Variants in CNNM1 observed in about 807,000 individuals in gnomAD.
CNNM1 encodes metal transporter CNNM1.
CNNM1 carries 44 observed loss-of-function variants against 78.8 expected under a neutral mutation model. The ratio of observed to expected loss-of-function variants is 0.56; its 90% confidence interval spans 0.44 to 0.72. The LOEUF (loss-of-function observed/expected upper bound fraction) is 0.72, where lower values mean the gene tolerates loss of function less well. Ranked by LOEUF, CNNM1 falls within the 30% of genes least tolerant of loss-of-function variation. CNNM1 has a pLI of 0.00. For synonymous variants in CNNM1, 584 were observed against 581.5 expected, an observed-to-expected ratio of 1.00 and a Z score of -0.06; for missense variants, 1,101 against 1,292.2, an observed-to-expected ratio of 0.85 and a Z score of 2.27.
In CNNM1 at chr10:99,357,665, C is replaced by T. The variant is rs530866370; in HGVS notation, c.1717+10C>T. 41 of 1,594,464 alleles carry T rather than the reference C, an allele frequency of 2.6e-5. No homozygotes were observed. In the South Asian group the frequency reaches 3.0e-4, roughly 12 times the overall value. On this transcript the variant is annotated intron_variant, in intron 2 of 10. Transcript: ENST00000356713. Reference sequence around the variant, plus strand: ...GAAACTGATCTCTACAGTAAGTGCACGGCCTTGGCTGTTCTCCAGGGTCAT... The same window carrying T: ...GAAACTGATCTCTACAGTAAGTGCATGGCCTTGGCTGTTCTCCAGGGTCAT...
At chr10:99,375,199 A>T (rs777785703) in intron 6 of CNNM1, among the ~76,000 whole-genome samples, 11 of 152,238 alleles carry the variant, frequency 7.2e-5, no homozygotes, top group Non-Finnish European at 1.6e-4. Flanking sequence ...GGGCCAGGTC[A>T]CAGCAAGGAA....
At chr10:99,353,308 G>A (rs904379908) in intron 1 of CNNM1, among the ~76,000 whole-genome samples, 2 of 152,128 alleles carry the variant, frequency 1.3e-5, no homozygotes, top group South Asian at 2.1e-4. Flanking sequence ...TTACCCTCAC[G>A]GGTGGGGGTG....
rs1300610722 is a variant in CNNM1, at chr10:99,391,667, G to A, written c.*151G>A. On this transcript the variant is annotated 3_prime_UTR_variant, in exon 11 of 11. Coordinates refer to ENST00000356713, the MANE Select transcript of CNNM1 (RefSeq NM_020348.3). ...CTCTTCACCCCTAGCTGTCAGTTTG[G>A]CAGATTTTCCCTCGTTACCTCCAGT... The A allele has an allele frequency of 4.6e-6, 3 of 652,744 alleles. No homozygotes were observed. Among genetic ancestry groups the A allele is most frequent in the Non-Finnish European group, 5.3e-6 (2 of 379,380 alleles). The allele number at this position is 652,744 out of a possible 1,614,324, so 40.4% of individuals were successfully genotyped here.
chr10:99,331,035 T>C, intron 1 of CNNM1, 75 bp downstream of exon 1: 3 of 1,417,320 alleles, frequency 2.1e-6, no homozygotes, highest in Non-Finnish European at 1.9e-6. Flanking sequence ...CACGTGAGGC[T>C]CTAGGTACCC....
At chr10:99,384,455 C>T (rs1017702268) in intron 7 of CNNM1, among the ~76,000 whole-genome samples, 6 of 152,064 alleles carry the variant, frequency 3.9e-5, no homozygotes, top group Admixed American at 6.6e-5. Flanking sequence ...ATATAAACAC[C>T]CACCAACAGT....
chr10:99,330,846 G>A lies in CNNM1; in HGVS notation c.1459G>A (p.Val487Met). 1 of 1,614,142 alleles carries A rather than the reference G, an allele frequency of 6.2e-7. No homozygotes were observed. The highest frequency in any genetic ancestry group is 2.2e-5 in the East Asian group (1 of 44,872). The change falls in exon 1 of 11, where the codon GTG becomes ATG. Residue 487 changes from valine to methionine, a missense_variant. Physicochemically the swap from Val to Met is conservative, Grantham distance 21 (BLOSUM62 1). This residue lies in a region of CNNM1 where 277 missense variants were observed against 423.2 expected (regional missense o/e 0.65). Transcript: ENST00000356713. ...TTTATTTGTCAAGGACTTGGCCTTC[G>A]TGGACCCCGACGACTGCACCCCGCT... ...DILFVKDLAF[V>M]DPDDCTPLLT...
At chr10:99,362,140 C>T in intron 3 of CNNM1, 87 bp from the exon 4 acceptor site, 1 of 1,294,248 alleles carries the variant, frequency 7.7e-7, no homozygotes, top group South Asian at 1.5e-5. Flanking sequence ...CCAGTTGTGC[C>T]CACTCTGACT....
chr10:99,384,834 G>C (rs897561291), intron 7 of CNNM1, among the ~76,000 whole-genome samples: 2 of 152,148 alleles, frequency 1.3e-5, no homozygotes, highest in Admixed American at 1.3e-4. Context: ...GGGAGGCTGA[G>C]GAGGGTGATG....
chr10:99,381,917 AC>A (rs1166359603), intron 7 of CNNM1, among the ~76,000 whole-genome samples: 1 of 151,560 alleles, frequency 6.6e-6, no homozygotes, highest in East Asian at 1.9e-4. Context: ...TTTGAAAATT[AC>A]CTCCTCCTGA....
intron 6 of CNNM1, among the ~76,000 whole-genome samples, chr10:99,367,570 A>G (rs2031664629): frequency 6.6e-6 from 1 of 152,112 alleles, no homozygotes; most frequent in Non-Finnish European, 1.5e-5. Flanking sequence ...TACATTTAGA[A>G]CTATGATTCT....
At chr10:99,347,801 C>T (rs1354106565) in intron 1 of CNNM1, among the ~76,000 whole-genome samples, 1 of 152,078 alleles carries the variant, frequency 6.6e-6, no homozygotes, top group Non-Finnish European at 1.5e-5. Context: ...ACTCCCAATG[C>T]ATGACCTTTA....
intron 1 of CNNM1, among the ~76,000 whole-genome samples, chr10:99,334,619 C>A (rs2030083384): frequency 6.6e-6 from 1 of 152,032 alleles, no homozygotes; most frequent in South Asian, 2.1e-4. Context: ...CCACTGTACT[C>A]CAGCCTGGGT....
At chr10:99,361,901 A>G (rs1240604076) in intron 3 of CNNM1, among the ~76,000 whole-genome samples, 2 of 152,226 alleles carry the variant, frequency 1.3e-5, no homozygotes, top group South Asian at 4.1e-4. Flanking sequence ...TTTGTTGTTT[A>G]TGTGGCTTAG....
intron 6 of CNNM1, among the ~76,000 whole-genome samples, chr10:99,366,164 T>C (rs1416116986): frequency 6.6e-6 from 1 of 152,208 alleles, no homozygotes; most frequent in Non-Finnish European, 1.5e-5. Flanking sequence ...GGAGGAGATC[T>C]GTAAAATTGA....
rs752502645 is a variant in CNNM1, at chr10:99,329,562, G to C, written c.175G>C (p.Gly59Arg). ...TGCTGGAGGCCGCGTGTCCCTGGAGGGGGGCACCCTGCGCGCCGCCGAAGG... is the reference window on the plus strand; with the variant it reads ...TGCTGGAGGCCGCGTGTCCCTGGAGCGGGGCACCCTGCGCGCCGCCGAAGG... ...DTAGGRVSLE[G>R]GTLRAAEGTS... The change falls in exon 1 of 11, where the codon GGG (glycine) becomes CGG (arginine). Residue 59 changes from glycine to arginine, a missense_variant. Physicochemically the swap from Gly to Arg is moderately radical, Grantham distance 125. This residue lies in a region of CNNM1 where 476 missense variants were observed against 484.5 expected (regional missense o/e 0.98). Coordinates refer to ENST00000356713, the MANE Select transcript of CNNM1 (RefSeq NM_020348.3). 2.0e-6 allele frequency: 3 copies of C among 1,527,434 alleles called. No individual in the cohort carries two copies. The highest frequency in any genetic ancestry group is 2.4e-5 in the South Asian group (2 of 81,636). 94.6% of individuals were successfully genotyped at this position (1,527,434 alleles called of 1,614,324 possible). A position where few individuals can be genotyped will look rare whatever the true frequency, so the allele number is the denominator to read the frequency against.
At chr10:99,369,913 G>T (rs746928993) in intron 6 of CNNM1, among the ~76,000 whole-genome samples, 1 of 152,140 alleles carries the variant, frequency 6.6e-6, no homozygotes, top group Admixed American at 6.5e-5. Context: ...GTGAATCTTG[G>T]TGAATGCCAA....
chr10:99,384,542 G>A (rs1446296753), intron 7 of CNNM1, among the ~76,000 whole-genome samples: 8 of 150,338 alleles, frequency 5.3e-5, no homozygotes, highest in South Asian at 4.2e-4. Flanking sequence ...TAGTGTGGCC[G>A]TCTGAATCTT....
chr10:99,372,780 C>CACG (rs2031844315), intron 6 of CNNM1, among the ~76,000 whole-genome samples: 2 of 152,162 alleles, frequency 1.3e-5, no homozygotes, highest in African/African-American at 4.8e-5. Flanking sequence ...GACTCCAGGA[C>CACG]ACGAAAACAT....
chr10:99,386,537 A>G (rs2032310872), intron 7 of CNNM1, among the ~76,000 whole-genome samples: 4 of 152,204 alleles, frequency 2.6e-5, no homozygotes, highest in Non-Finnish European at 5.9e-5. Flanking sequence ...TATGTGTCCC[A>G]TATGCTCTGC....
Sources: allele counts gnomAD v4.1 joint callset (sites outside exome capture counted in the v4.1 genomes callset), GRCh38; gene constraint gnomAD v4.1.1; regional missense constraint gnomAD v4.1.1; transcripts MANE v1.5; gene names NCBI Gene and HGNC (gene_info 2026-07-23, HGNC 2026-07-21).